Variants in CMIP observed in about 807,000 individuals in gnomAD.
The protein encoded by CMIP is C-Maf-inducing protein.
CMIP carries 13 observed loss-of-function variants against 97.3 expected under a neutral mutation model. The observed-to-expected ratio is 0.13, with a 90% confidence interval of 0.09 to 0.21. CMIP has a LOEUF of 0.21. CMIP is among the 10% of genes least tolerant of loss of function. The pLI is 1.00. For synonymous variants in CMIP, 538 were observed against 436.3 expected (o/e 1.23, Z -2.91); for missense variants, 847 against 1,024.9 (o/e 0.83, Z 2.37).
At chr16:81,459,920 C>T (rs929002384) in intron 1 of CMIP, among the ~76,000 whole-genome samples, 2 of 152,220 alleles carry the variant, frequency 1.3e-5, no homozygotes, top group Non-Finnish European at 2.9e-5. Context: ...CCGAGCCCTG[C>T]TGGGCTCACC....
Position 81,569,312 on chromosome 16 carries a change from G to A in CMIP, c.301-38255G>A, listed in dbSNP as rs546204935. ...ACTTCGCAGAGGCAAAAACTGAGGC[G>A]CAGAATGATGAAATGACTTCGGCGA... On this transcript the variant is annotated intron_variant, in intron 1 of 20. Coordinates refer to ENST00000537098, the MANE Select transcript of CMIP (RefSeq NM_198390.3). Among the ~76,000 whole-genome samples the A allele has an allele frequency of 2.2e-4, 33 of 152,328 alleles. No homozygotes were observed. The South Asian group carries it at 5.8e-3, about 27-fold the overall frequency.
chr16:81,640,770 G>GTGTCTC (rs376370488), intron 3 of CMIP, among the ~76,000 whole-genome samples: 21 of 135,720 alleles, frequency 1.5e-4, no homozygotes, highest in East Asian at 8.9e-4. Context: ...GTGTGTGTGT[G>GTGTCTC]TCTCTCTCTC....
Position 81,559,748 on chromosome 16 carries a change from C to T in CMIP, c.301-47819C>T, listed in dbSNP as rs368070438. On this transcript the variant is annotated intron_variant, in intron 1 of 20. Transcript: ENST00000537098. Reference sequence around the variant, plus strand: ...CAACTAAGTTACTGGCTTGTGCATTCGCTCTACTGTACATTTTATTGTTAT... The same window carrying T: ...CAACTAAGTTACTGGCTTGTGCATTTGCTCTACTGTACATTTTATTGTTAT... Among the ~76,000 whole-genome samples the T allele has an allele frequency of 6.1e-4, 93 of 152,262 alleles. 1 individual carries two copies. The highest frequency in any genetic ancestry group is 1.0e-3 in the Non-Finnish European group (69 of 68,012).
intron 13 of CMIP, chr16:81,696,172 A>C (rs1481074975): frequency 6.8e-6 from 2 of 293,910 alleles, no homozygotes. Flanking sequence ...AGATGGCCCC[A>C]CCCAGAGGAA....
intron 1 of CMIP, among the ~76,000 whole-genome samples, chr16:81,509,395 C>G (rs1405340959): frequency 1.3e-5 from 2 of 152,204 alleles, no homozygotes; most frequent in African/African-American, 4.8e-5. Flanking sequence ...CTCGGCATAA[C>G]ACATTGGTGG....
At chr16:81,515,821 C>G (rs1044590461) in intron 1 of CMIP, among the ~76,000 whole-genome samples, 1 of 152,106 alleles carries the variant, frequency 6.6e-6, no homozygotes, top group Non-Finnish European at 1.5e-5. Context: ...GGATTCAACC[C>G]GTGGGAGGAG....
intron 1 of CMIP, among the ~76,000 whole-genome samples, chr16:81,505,168 G>C (rs2089685821): frequency 6.6e-6 from 1 of 152,260 alleles, no homozygotes; most frequent in Non-Finnish European, 1.5e-5. Flanking sequence ...CCTGGAGGCA[G>C]GACGGGGGTG....
At chr16:81,685,092 C>G (rs1017027755) in intron 10 of CMIP, among the ~76,000 whole-genome samples, 1 of 152,244 alleles carries the variant, frequency 6.6e-6, no homozygotes, top group African/African-American at 2.4e-5. Flanking sequence ...GACACCCAGC[C>G]TCACCTCCCC....
chr16:81,563,645 T>C (rs544766903), intron 1 of CMIP, among the ~76,000 whole-genome samples: 5 of 152,236 alleles, frequency 3.3e-5, no homozygotes, highest in Non-Finnish European at 7.3e-5. Context: ...CATGATGCTG[T>C]TGCATGGCAA....
At chr16:81,541,561 A>G (rs777623543) in intron 1 of CMIP, among the ~76,000 whole-genome samples, 1 of 152,242 alleles carries the variant, frequency 6.6e-6, no homozygotes, top group Non-Finnish European at 1.5e-5. Flanking sequence ...GAGAGGTGTT[A>G]CTGGATTTAC....
intron 1 of CMIP, among the ~76,000 whole-genome samples, chr16:81,559,075 C>A (rs1597559122): frequency 6.6e-6 from 1 of 152,292 alleles, no homozygotes; most frequent in Admixed American, 6.5e-5. Context: ...CCGCCCAGAG[C>A]CACCAGGACT....
intron 1 of CMIP, among the ~76,000 whole-genome samples, chr16:81,597,572 G>T (rs1295432154): frequency 6.8e-6 from 1 of 147,062 alleles, no homozygotes; most frequent in East Asian, 2.1e-4. Context: ...CCCTGGAGAT[G>T]TGGGAGGTGA....
chr16:81,658,024 C>T (rs11640649), intron 5 of CMIP, among the ~76,000 whole-genome samples: 6,826 of 151,302 alleles, frequency 0.045, 242 homozygotes, highest in South Asian at 0.077. Flanking sequence ...GTGTAATTGT[C>T]TGTCTTTGAG....
chr16:81,606,911 G>A (rs1318860562), intron 1 of CMIP: 1 of 154,930 alleles, frequency 6.5e-6, no homozygotes, highest in Non-Finnish European at 1.5e-5. Flanking sequence ...GCTCTTTCTG[G>A]GACAAGGAGC....
chr16:81,649,778 G>A (rs2092406365), intron 3 of CMIP, among the ~76,000 whole-genome samples: 1 of 152,178 alleles, frequency 6.6e-6, no homozygotes, highest in African/African-American at 2.4e-5. Context: ...GTGGATCGCT[G>A]TGGTTTGCTT....
At chr16:81,693,310 C>T (rs1172878438) in intron 12 of CMIP, 126 bp downstream of exon 12, 2 of 1,403,140 alleles carry the variant, frequency 1.4e-6, no homozygotes, top group Non-Finnish European at 2.0e-6. Context: ...TCTTGAGACA[C>T]GTGTCCCTGA....
intron 3 of CMIP, among the ~76,000 whole-genome samples, chr16:81,637,335 A>G (rs1482491460): frequency 6.6e-6 from 1 of 152,148 alleles, no homozygotes; most frequent in Non-Finnish European, 1.5e-5. Flanking sequence ...GGCCACCTGA[A>G]GTGCTGGGAT....
intron 1 of CMIP, among the ~76,000 whole-genome samples, chr16:81,537,364 GTC>G (rs1341324323): frequency 1.3e-5 from 2 of 151,394 alleles, no homozygotes; most frequent in African/African-American, 4.9e-5. Context: ...GTAAAACCCT[GTC>G]TCTACTAAAA....
chr16:81,581,768 A>G (rs1275617450), intron 1 of CMIP, among the ~76,000 whole-genome samples: 3 of 152,202 alleles, frequency 2.0e-5, no homozygotes, highest in African/African-American at 7.2e-5. Context: ...CCTCACGCAG[A>G]CAGCTCTGGG....
Sources: allele counts gnomAD v4.1 joint callset (sites outside exome capture counted in the v4.1 genomes callset), GRCh38; gene constraint gnomAD v4.1.1; transcripts MANE v1.5; gene names NCBI Gene and HGNC (gene_info 2026-07-23, HGNC 2026-07-21).